Variants in AGBL1 observed in about 807,000 individuals in gnomAD.
AGBL1 encodes AGBL carboxypeptidase 1, also known as cytosolic carboxypeptidase 4.
In AGBL1, 130 loss-of-function variants were observed where a neutral mutation model predicts 118.9. That is an observed-to-expected ratio of 1.09 (90% confidence interval 0.95 to 1.26). AGBL1 has a LOEUF of 1.26. Among genes scored for constraint, AGBL1 ranks in the 50% most tolerant of loss-of-function variants. The pLI is 0.00. For missense variants in AGBL1, 1,584 were observed against 1,298.1 expected, an observed-to-expected ratio of 1.22 and a Z score of -3.38; for synonymous variants, 555 against 478.9, an observed-to-expected ratio of 1.16 and a Z score of -2.08.
chr15:86,960,781 C>G (rs1007299068), intron 23 of AGBL1, among the ~76,000 whole-genome samples: 3 of 152,018 alleles, frequency 2.0e-5, no homozygotes, highest in Admixed American at 6.6e-5. Flanking sequence ...TCTACCATGT[C>G]TGAAAACATG....
chr15:86,191,101 T>C (rs373503180), intron 5 of AGBL1, among the ~76,000 whole-genome samples: 59 of 152,066 alleles, frequency 3.9e-4, no homozygotes, highest in Admixed American at 2.2e-3. Flanking sequence ...CCCAGCACTT[T>C]GGGAGACTGA....
At chr15:86,713,735 C>A (rs1410588957) in intron 22 of AGBL1, among the ~76,000 whole-genome samples, 3 of 152,010 alleles carry the variant, frequency 2.0e-5, no homozygotes, top group African/African-American at 4.8e-5. Context: ...CCAGGACGTG[C>A]CTTGGGAGCT....
intron 17 of AGBL1, among the ~76,000 whole-genome samples, chr15:86,331,399 A>G (rs1464934824): frequency 1.4e-5 from 1 of 71,150 alleles, no homozygotes; most frequent in East Asian, 2.3e-4. Context: ...ATTCAAGAAA[A>G]TTTCCCTAAT....
rs539717640 is a variant in AGBL1 at position 86,940,757 on chromosome 15, C to A, written c.3222-47230C>A. Among the ~76,000 whole-genome samples, 12 of 152,288 alleles carry A rather than the reference C, an allele frequency of 7.9e-5. No individual in the cohort carries two copies. In the South Asian group the frequency reaches 2.3e-3, roughly 29 times the overall value. ...GGCGTGGTAATGAAGTTCCCTCTGC[C>A]TTTAACTCTTAAACAAAAAGTAACC... is the stretch of plus-strand genomic sequence containing the variant. On this transcript the variant is annotated intron_variant, in intron 23 of 24. Transcript: ENST00000441037.
intron 22 of AGBL1, among the ~76,000 whole-genome samples, chr15:86,685,114 G>A: frequency 6.6e-6 from 1 of 152,116 alleles, no homozygotes; most frequent in Middle Eastern, 3.2e-3. Context: ...AGCATCCAAA[G>A]TAGAATCCGA....
At chr15:86,234,587 T>C (rs1052726580) in intron 6 of AGBL1, among the ~76,000 whole-genome samples, 1 of 140,144 alleles carries the variant, frequency 7.1e-6, no homozygotes, top group Non-Finnish European at 1.5e-5. Flanking sequence ...TAAGTCACAG[T>C]GGAGAATAGC....
At chr15:86,502,733 A>C (rs1221629775) in intron 18 of AGBL1, among the ~76,000 whole-genome samples, 1 of 151,426 alleles carries the variant, frequency 6.6e-6, no homozygotes, top group African/African-American at 2.4e-5. Flanking sequence ...ATTTACATAC[A>C]TTGAACAAAC....
At chr15:86,132,435 G>A (rs2076832412) in intron 1 of AGBL1, among the ~76,000 whole-genome samples, 1 of 152,162 alleles carries the variant, frequency 6.6e-6, no homozygotes, top group South Asian at 2.1e-4. Flanking sequence ...GTGAGCCTTG[G>A]GTGGTAGACA....
At chr15:86,774,758 C>G (rs1398077586) in intron 22 of AGBL1, among the ~76,000 whole-genome samples, 2 of 151,856 alleles carry the variant, frequency 1.3e-5, no homozygotes, top group Non-Finnish European at 2.9e-5. Flanking sequence ...TGTATCAAGG[C>G]CAGGAGACAC....
chr15:86,560,973 T>A (rs2083810201), intron 21 of AGBL1, among the ~76,000 whole-genome samples: 1 of 152,354 alleles, frequency 6.6e-6, no homozygotes, highest in African/African-American at 2.4e-5. Flanking sequence ...ATTTGCCCAC[T>A]TTTTGATGTG....
chr15:86,780,368 T>A (rs958038522), intron 22 of AGBL1, among the ~76,000 whole-genome samples: 2 of 152,228 alleles, frequency 1.3e-5, no homozygotes, highest in African/African-American at 4.8e-5. Flanking sequence ...TGTTCATTAA[T>A]ATAGATTTAT....
At chr15:86,773,221 GA>G (rs2078206830) in intron 22 of AGBL1, among the ~76,000 whole-genome samples, 1 of 152,014 alleles carries the variant, frequency 6.6e-6, no homozygotes, top group African/African-American at 2.4e-5. Context: ...TCCAGGTGGG[GA>G]AAAAGACTTG....
chr15:86,944,584 C>T (rs1156635256), intron 23 of AGBL1, among the ~76,000 whole-genome samples: 1 of 152,040 alleles, frequency 6.6e-6, no homozygotes, highest in African/African-American at 2.4e-5. Flanking sequence ...AAGGGACGCA[C>T]AGTAGAACTG....
intron 5 of AGBL1, among the ~76,000 whole-genome samples, chr15:86,164,669 A>G (rs907361417): frequency 1.3e-5 from 2 of 152,122 alleles, no homozygotes; most frequent in African/African-American, 2.4e-5. Flanking sequence ...GGGTTATCAG[A>G]TGTTGTCATC....
Position 87,008,816 on chromosome 15 carries a change from C to A in AGBL1, c.3324-20009C>A, listed in dbSNP as rs2701411. Among the ~76,000 whole-genome samples, 16 of 152,086 alleles carry A rather than the reference C, an allele frequency of 1.1e-4. No homozygotes were observed. The East Asian group carries it at 1.6e-3, about 15-fold the overall frequency. ...TGTTTTAGCTAAGAGATTGATGGCA[C>A]TTTGCCCCTGCCCTAGAGATTTGTG... On this transcript the variant is annotated intron_variant, in intron 24 of 24. Transcript: ENST00000441037.
chr15:86,648,245 T>A (rs2085318072), intron 21 of AGBL1, among the ~76,000 whole-genome samples: 1 of 152,096 alleles, frequency 6.6e-6, no homozygotes, highest in African/African-American at 2.4e-5. Flanking sequence ...AAGAGAAAGA[T>A]GAGGTAGGAG....
chr15:86,361,566 G>T lies in AGBL1; in HGVS notation c.2375-35800G>T, dbSNP rs531794259. Among the ~76,000 whole-genome samples the T allele has an allele frequency of 3.4e-4, 51 of 152,018 alleles. No homozygotes were observed. The South Asian group carries it at 0.01, about 30-fold the overall frequency. ...AGTATTGAAGTCTCCTACTATTATT[G>T]TGTTGATGTCTATTTTCTTATTTAG... On this transcript the variant is annotated intron_variant, in intron 17 of 22. Coordinates refer to ENST00000614907, the MANE Select transcript of AGBL1 (RefSeq NM_001386094.1).
chr15:86,961,269 A>G (rs946489919), intron 23 of AGBL1, among the ~76,000 whole-genome samples: 2 of 151,938 alleles, frequency 1.3e-5, no homozygotes, highest in African/African-American at 2.4e-5. Context: ...CATTGCTGCA[A>G]CCTCTGTTAG....
chr15:86,286,735 G>GTGTGTATATATATATATA lies in AGBL1; in HGVS notation c.2220+6953_2220+6954insGTGTATATATATATATAT. The stretch of plus-strand genomic sequence containing the variant: ...TATATGTGTGTGTGTGTTTGTGTGT[G>GTGTGTATATATATATATA]TATATATATATATAAAACTCCATCA... On this transcript the variant is annotated intron_variant, in intron 16 of 22. Coordinates refer to ENST00000614907, the MANE Select transcript of AGBL1 (RefSeq NM_001386094.1). Among the ~76,000 whole-genome samples the GTGTGTATATATATATATA allele has an allele frequency of 4.3e-3, 452 of 106,282 alleles. 29 individuals carry two copies. The highest frequency in any genetic ancestry group is 0.016 in the African/African-American group (425 of 25,762). 69.7% of individuals were successfully genotyped at this position (106,282 alleles called of 152,430 possible).
Sources: allele counts gnomAD v4.1 joint callset (sites outside exome capture counted in the v4.1 genomes callset), GRCh38; gene constraint gnomAD v4.1.1; transcripts MANE v1.5; gene names NCBI Gene and HGNC (gene_info 2026-07-23, HGNC 2026-07-21).